RFC2: variants seen among roughly 807,000 people sequenced by gnomAD.
The protein encoded by RFC2 is replication factor C subunit 2, also known as A1 40 kDa subunit.
In RFC2, 34 loss-of-function variants were observed where a neutral mutation model predicts 44.8. The observed-to-expected ratio is 0.76, with a 90% CI of 0.58 to 1.01. The LOEUF (loss-of-function observed/expected upper bound fraction) is 1.01, where lower values mean the gene tolerates loss of function less well. Ranked by LOEUF, RFC2 falls within the 50% of genes least tolerant of loss-of-function variation. RFC2 has a pLI of 0.00. For missense variants in RFC2, 400 were observed against 453.6 expected, an observed-to-expected ratio of 0.88 and a Z score of 1.07; for synonymous variants, 177 against 168.9, an observed-to-expected ratio of 1.05 and a Z score of -0.37.
intron 10 of RFC2, among the ~76,000 whole-genome samples, chr7:74,232,495 G>A (rs180764574): frequency 9.9e-5 from 15 of 152,220 alleles, no homozygotes; most frequent in Admixed American, 3.3e-4. Context: ...GTGGTGGCAC[G>A]GAAAGCCAGG....
chr7:74,240,273 G>A (rs971733466), intron 6 of RFC2, among the ~76,000 whole-genome samples, 178 bp from the exon 7 acceptor site: 6 of 152,036 alleles, frequency 3.9e-5, no homozygotes, highest in Admixed American at 6.6e-5. Context: ...AGGCTGAGGC[G>A]GGAGGATCAC....
intron 7 of RFC2, 131 bp from the exon 8 acceptor site, chr7:74,239,119 T>C: frequency 1.7e-6 from 1 of 592,824 alleles, no homozygotes; most frequent in Non-Finnish European, 3.0e-6. Context: ...CACCTCCGCC[T>C]CCCAAGTGCT....
chr7:74,248,888 G>A lies in RFC2; in HGVS notation c.332+124C>T, dbSNP rs1454406896. ...GTGAGCAACGCTCTTTCACTGGGAA[G>A]GGGTGGAGGAAATCACATAGCTGGC... is the stretch of plus-strand genomic sequence containing the variant. On this transcript the variant is annotated intron_variant, in intron 4 of 10. Transcript: ENST00000055077. The A allele has an allele frequency of 7.6e-5, 52 of 687,096 alleles. No homozygotes were observed. The Middle Eastern group carries it at 1.6e-3, about 21-fold the overall frequency. The allele number at this position is 687,096 out of a possible 1,614,324, so 42.6% of individuals were successfully genotyped here.
chr7:74,247,969 C>A (rs1331137810), intron 4 of RFC2, among the ~76,000 whole-genome samples: 2 of 151,970 alleles, frequency 1.3e-5, no homozygotes, highest in African/African-American at 4.8e-5. Flanking sequence ...TTTATTTTTA[C>A]TTTTATACAG....
At position 74,237,343 on chromosome 7, in the gene RFC2, C is replaced by T. The variant is rs184624223; in HGVS notation, c.840+19G>A. The T allele has an allele frequency of 1.0e-4, 158 of 1,585,068 alleles. No individual in the cohort carries two copies. The African/African-American group carries it at 1.4e-3, about 14-fold the overall frequency. ...GAAGTGAGCGGTTCCTCTGCCAGGA[C>T]GGGGGGAAGGAGGCCAACCTTGTAG... On this transcript the variant is annotated intron_variant, in intron 9 of 10. Coordinates refer to ENST00000055077, the MANE Select transcript of RFC2 (RefSeq NM_181471.3).
intron 6 of RFC2, 104 bp from the exon 7 acceptor site, chr7:74,240,199 G>A (rs1204513760): frequency 9.6e-7 from 1 of 1,046,310 alleles, no homozygotes; most frequent in Non-Finnish European, 1.4e-6. Flanking sequence ...CACAGCCCCA[G>A]GCACTCAATA....
intron 2 of RFC2, among the ~76,000 whole-genome samples, chr7:74,251,996 G>A (rs1465159450): frequency 2.0e-5 from 3 of 149,702 alleles, no homozygotes; most frequent in African/African-American, 7.4e-5. Flanking sequence ...TTACTCCGGA[G>A]GCTGAGGCAG....
chr7:74,238,065 G>A lies in RFC2; in HGVS notation c.760-623C>T, dbSNP rs1385963936. Among the ~76,000 whole-genome samples the A allele has an allele frequency of 2.6e-5, 4 of 152,018 alleles. No individual in the cohort carries two copies. The highest frequency in any genetic ancestry group is 9.7e-5 in the African/African-American group (4 of 41,384). On this transcript the variant is annotated intron_variant, in intron 8 of 10. Coordinates refer to ENST00000055077, the MANE Select transcript of RFC2 (RefSeq NM_181471.3). This position sits in a 1 kb window ranked among gnomAD's most constrained non-coding sequence, Gnocchi z 4.0. ...CCCACACCTGCCCTTGCCTTTTCCC[G>A]GTGGAAGCCATGGTTTCCTGAGCCC...
Position 74,238,809 on chromosome 7 carries a change from C to A in RFC2, c.759+114G>T. 2 of 799,568 alleles carry A rather than the reference C, an allele frequency of 2.5e-6. No individual in the cohort carries two copies. The highest frequency in any genetic ancestry group is 4.3e-6 in the Non-Finnish European group (2 of 469,162). The allele number at this position is 799,568 out of a possible 1,614,324, so 49.5% of individuals were successfully genotyped here. A position where few individuals can be genotyped will look rare whatever the true frequency, so the allele number is the denominator to read the frequency against. Reference sequence around the variant, plus strand: ...GGGAGCAGGGTGGGCTCCCTGGCACCCACAAGAGCAGCTAGATGTCCGTCC... The same window carrying A: ...GGGAGCAGGGTGGGCTCCCTGGCACACACAAGAGCAGCTAGATGTCCGTCC... On this transcript the variant is annotated intron_variant, in intron 8 of 10. Transcript: ENST00000055077. This position sits in a 1 kb window ranked among gnomAD's most constrained non-coding sequence, Gnocchi z 4.0.
intron 4 of RFC2, among the ~76,000 whole-genome samples, chr7:74,247,117 C>T (rs1327138439): frequency 2.1e-5 from 3 of 143,652 alleles, no homozygotes; most frequent in Non-Finnish European, 4.5e-5. Context: ...GGCGATAATT[C>T]GTCTCAAAAA....
chr7:74,246,902 T>A (rs1554720139), intron 4 of RFC2, 139 bp from the exon 5 acceptor site: 1 of 507,634 alleles, frequency 2.0e-6, no homozygotes, highest in Non-Finnish European at 3.5e-6. Flanking sequence ...CAATTGTAAC[T>A]ATTTATAAGG....
chr7:74,241,191 A>G (rs1554719242), intron 6 of RFC2, among the ~76,000 whole-genome samples: 1 of 152,200 alleles, frequency 6.6e-6, no homozygotes, highest in African/African-American at 2.4e-5. Context: ...TCGGCCTCCC[A>G]AAGTGCTGGG....
intron 10 of RFC2, among the ~76,000 whole-genome samples, chr7:74,234,649 G>T (rs1802907878): frequency 6.6e-6 from 1 of 151,928 alleles, no homozygotes; most frequent in Non-Finnish European, 1.5e-5. Flanking sequence ...AAGATCCCAC[G>T]TGAATGGCTT....
In RFC2 at chr7:74,238,949, A is replaced by C. The variant is rs1554718796; in HGVS notation, c.733T>G (p.Phe245Val). ...NLQSTFSGFGFINSENVFKVC... is the reference protein window; with the variant it reads ...NLQSTFSGFGVINSENVFKVC... ...TTGAACACGTTCTCACTGTTAATGA[A>C]GCCAAATCCTGAGAAGGTGGACTGC... Residue 245 changes from phenylalanine (F) to valine (V), a missense_variant, in exon 8 of 11, where the codon TTC becomes GTC. Physicochemically the swap from Phe to Val is conservative, Grantham distance 50. Transcript: ENST00000055077. The surrounding 1 kb of genome is among the most constrained non-coding windows in gnomAD (Gnocchi z 4.0). The C allele has an allele frequency of 1.2e-6, 2 of 1,614,050 alleles. No individual in the cohort carries two copies. The highest frequency in any genetic ancestry group is 1.1e-5 in the South Asian group (1 of 91,090).
intron 2 of RFC2, among the ~76,000 whole-genome samples, chr7:74,251,083 G>A (rs782723989): frequency 3.9e-4 from 58 of 148,774 alleles, no homozygotes; most frequent in Admixed American, 1.4e-3. Context: ...CACCACACCC[G>A]GCCCTATTAA....
rs1419824631 is a variant in RFC2, at chr7:74,246,852, C to A, written c.333-89G>T. 4.3e-6 allele frequency: 3 copies of A among 697,020 alleles called. No individual in the cohort carries two copies. The East Asian group carries it at 8.7e-5, about 20-fold the overall frequency. 43.2% of individuals were successfully genotyped at this position (697,020 alleles called of 1,614,324 possible). ...TTTTAAACAATCGGTATATCAGGGA[C>A]TGTGAGGCCCAATTTCCATTTTTGA... On this transcript the variant is annotated intron_variant, in intron 4 of 10. Coordinates refer to ENST00000055077, the MANE Select transcript of RFC2 (RefSeq NM_181471.3).
At chr7:74,250,972 AG>A (rs1478224108) in intron 2 of RFC2, among the ~76,000 whole-genome samples, 3 of 152,098 alleles carry the variant, frequency 2.0e-5, no homozygotes, top group Non-Finnish European at 4.4e-5. Flanking sequence ...TTTTTAGTAG[AG>A]ACGGGGTTTT....
At chr7:74,239,080 C>A in intron 7 of RFC2, 92 bp from the exon 8 acceptor site, 1 of 1,005,182 alleles carries the variant, frequency 9.9e-7, no homozygotes, top group South Asian at 1.4e-5. Flanking sequence ...CCAGGCTGGT[C>A]TCGAACTCCT....
intron 4 of RFC2, among the ~76,000 whole-genome samples, chr7:74,247,986 G>T (rs1554720342): frequency 6.6e-6 from 1 of 151,894 alleles, no homozygotes; most frequent in Non-Finnish European, 1.5e-5. Flanking sequence ...ACAGAGATGG[G>T]GTTTCATTAT....
Sources: gnomAD v4.1 joint callset for allele counts (sites outside exome capture counted in the v4.1 genomes callset) on GRCh38, gnomAD v4.1.1 for gene constraint, Gnocchi (gnomAD v3.1) non-coding constraint, MANE v1.5 for transcripts, NCBI Gene and HGNC (gene_info 2026-07-23, HGNC 2026-07-21) for gene names.